Variants in CDH23 observed in about 807,000 individuals in gnomAD.
CDH23 encodes the protein cadherin related 23, also known as cadherin-23.
Under a neutral mutation model 317.1 loss-of-function variants are expected in CDH23, and 189 were observed. That is an observed-to-expected ratio of 0.60 (90% confidence interval 0.53 to 0.67). CDH23 has a LOEUF of 0.67. CDH23 is among the 30% of genes least tolerant of loss of function. The probability of loss-of-function intolerance (pLI) is 0.00; values close to 1 mark genes in which losing one functional copy is unlikely to be tolerated. For synonymous variants in CDH23, 1,839 were observed against 1,876.8 expected (o/e 0.98, Z 0.52); for missense variants, 4,401 against 4,592.4 (o/e 0.96, Z 1.20).
intron 38 of CDH23, among the ~76,000 whole-genome samples, chr10:71,763,423 CA>C (rs1450144304): frequency 2.0e-5 from 3 of 152,254 alleles, no homozygotes; most frequent in African/African-American, 7.2e-5. Context: ...TTGCCCCAGC[CA>C]GGGGCATTGC....
At chr10:71,762,267 G>A (rs1273259311) in intron 38 of CDH23, among the ~76,000 whole-genome samples, 1 of 152,244 alleles carries the variant, frequency 6.6e-6, no homozygotes, top group Non-Finnish European at 1.5e-5. Flanking sequence ...GACAGGGCAG[G>A]GAGAGACTTG....
intron 9 of CDH23, among the ~76,000 whole-genome samples, chr10:71,593,073 G>T (rs1421301305): frequency 6.6e-6 from 1 of 152,264 alleles, no homozygotes; most frequent in Non-Finnish European, 1.5e-5. Context: ...ACAGGAGAGG[G>T]TGGTGGGGCC....
intron 28 of CDH23, among the ~76,000 whole-genome samples, chr10:71,720,502 C>A (rs905325807): frequency 5.3e-5 from 8 of 152,096 alleles, no homozygotes; most frequent in African/African-American, 1.9e-4. Context: ...CCCTGACAAC[C>A]AGCTGCCTGC....
intron 3 of CDH23, among the ~76,000 whole-genome samples, chr10:71,501,241 GAC>G (rs1316555922): frequency 6.6e-6 from 1 of 152,204 alleles, no homozygotes; most frequent in Non-Finnish European, 1.5e-5. Context: ...AGAAATAAGT[GAC>G]AGAGTAAATG....
chr10:71,651,765 C>T (rs898542130), intron 14 of CDH23, among the ~76,000 whole-genome samples: 1 of 152,164 alleles, frequency 6.6e-6, no homozygotes, highest in African/African-American at 2.4e-5. Context: ...TATATCAAAC[C>T]ATCCATACCC....
At chr10:71,551,440 C>T (rs190790012) in intron 6 of CDH23, among the ~76,000 whole-genome samples, 2 of 152,272 alleles carry the variant, frequency 1.3e-5, no homozygotes, top group African/African-American at 2.4e-5. Flanking sequence ...ATCGAGTCTC[C>T]GCATTCTTCA....
At chr10:71,486,919 C>T (rs1852382760) in intron 3 of CDH23, among the ~76,000 whole-genome samples, 1 of 152,114 alleles carries the variant, frequency 6.6e-6, no homozygotes, top group Admixed American at 6.5e-5. Flanking sequence ...GGGGCTGATC[C>T]CTGCTGAGCA....
chr10:71,466,893 T>TGTGC (rs1851281327), intron 3 of CDH23, among the ~76,000 whole-genome samples: 1 of 152,176 alleles, frequency 6.6e-6, no homozygotes, highest in African/African-American at 2.4e-5. Flanking sequence ...TGTGTGTGTG[T>TGTGC]GCACGTGCAT....
At chr10:71,774,478 C>G (rs975608192) in intron 38 of CDH23, among the ~76,000 whole-genome samples, 6 of 152,230 alleles carry the variant, frequency 3.9e-5, no homozygotes, top group African/African-American at 9.6e-5. Flanking sequence ...CCACCTCCAG[C>G]CTGAGATAAC....
chr10:71,622,241 C>T (rs765979676), intron 11 of CDH23, among the ~76,000 whole-genome samples: 1 of 152,100 alleles, frequency 6.6e-6, no homozygotes, highest in Non-Finnish European at 1.5e-5. Flanking sequence ...CCTGTGCCGC[C>T]CTTGCCCCCA....
chr10:71,660,234 C>A (rs1863592008), intron 14 of CDH23, among the ~76,000 whole-genome samples: 2 of 152,150 alleles, frequency 1.3e-5, no homozygotes, highest in African/African-American at 4.8e-5. Context: ...GAGTGAGCCA[C>A]CGCGCCCGGC....
At chr10:71,806,341 C>G in intron 57 of CDH23, 60 bp downstream of exon 57, 1 of 1,153,756 alleles carries the variant, frequency 8.7e-7, no homozygotes, top group South Asian at 1.3e-5. Context: ...TGCCTGCAAG[C>G]ACACACTCTC....
Position 71,397,487 on chromosome 10 carries a change from C to T in CDH23, c.-6+169C>T, listed in dbSNP as rs957550214. ...GCTCGCGGCATCCTTCGGTCCCAGG[C>T]CCCTGGCCCTAGCCTCGCGCCCCGC... On this transcript the variant is annotated intron_variant, in intron 1 of 69. Transcript: ENST00000224721. The surrounding 1 kb of genome is among the most constrained non-coding windows in gnomAD (Gnocchi z 4.8). 1.4e-4 allele frequency among the ~76,000 whole-genome samples: 21 copies of T among 151,496 alleles called. No homozygotes were observed. Among genetic ancestry groups the T allele is most frequent in the Admixed American group, 6.6e-5 (1 of 15,248 alleles).
intron 8 of CDH23, among the ~76,000 whole-genome samples, chr10:71,573,343 A>C (rs1857948300): frequency 6.6e-6 from 1 of 152,120 alleles, no homozygotes; most frequent in African/African-American, 2.4e-5. Flanking sequence ...GTGCAATGCT[A>C]AGTTTGCATG....
chr10:71,737,863 T>C (rs1412467610), intron 34 of CDH23: 1 of 454,248 alleles, frequency 2.2e-6, no homozygotes, highest in Non-Finnish European at 4.5e-6. Context: ...GTGCCATTTG[T>C]TGCATGCCCG....
intron 35 of CDH23, 58 bp from the exon 36 acceptor site, chr10:71,739,586 T>A: frequency 6.3e-7 from 1 of 1,583,058 alleles, no homozygotes; most frequent in Non-Finnish European, 8.6e-7. Context: ...CCCCTTGGCT[T>A]GACCTGGCCA....
chr10:71,755,168 C>T (rs1159078807), intron 38 of CDH23: 6 of 680,234 alleles, frequency 8.8e-6, no homozygotes, highest in Non-Finnish European at 1.6e-5. Flanking sequence ...GCACTTGGCC[C>T]CCGGAAATGG....
At chr10:71,702,479 T>C (rs1197490659) in intron 23 of CDH23, 70 bp from the exon 24 acceptor site, 2 of 1,591,064 alleles carry the variant, frequency 1.3e-6, no homozygotes, top group East Asian at 4.5e-5. Context: ...CCACTTGCCT[T>C]CTTCCTGTCC....
Position 71,785,705 on chromosome 10 carries a change from G to A in CDH23, c.5787G>A (p.Lys1929=). The A allele has an allele frequency of 6.2e-7, 1 of 1,608,006 alleles. No homozygotes were observed. The part of the protein sequence containing the change: ...IPEYKLTISV[K]DNPENPRIAR... ...AGTACAAGCTGACCATTTCTGTGAA[G>A]GACAACCCGGAGAATCCACGCATAG... The change falls in exon 44 of 70, where the codon AAG becomes AAA. Residue 1929 remains lysine (K), a synonymous_variant. Coordinates refer to ENST00000224721, the MANE Select transcript of CDH23 (RefSeq NM_022124.6).
Sources: allele counts gnomAD v4.1 joint callset (sites outside exome capture counted in the v4.1 genomes callset), GRCh38; gene constraint gnomAD v4.1.1; non-coding constraint Gnocchi (gnomAD v3.1); transcripts MANE v1.5; gene names NCBI Gene and HGNC (gene_info 2026-07-23, HGNC 2026-07-21).